Variants in DUSP8 observed in about 807,000 individuals in gnomAD.
DUSP8 encodes dual specificity protein phosphatase 8.
DUSP8 carries 15 observed loss-of-function variants against 38.7 expected under a neutral mutation model. The ratio of observed to expected loss-of-function variants is 0.39; its 90% confidence interval spans 0.26 to 0.60. The LOEUF (loss-of-function observed/expected upper bound fraction) is 0.60. DUSP8 is among the 20% of genes least tolerant of loss of function. The probability of loss-of-function intolerance (pLI) is 0.56; values close to 1 mark genes in which losing one functional copy is unlikely to be tolerated. For missense variants in DUSP8, 768 were observed against 915.0 expected (o/e 0.84, Z 2.07); for synonymous variants, 458 against 433.9 (o/e 1.06, Z -0.69).
rs753404435 is a variant in DUSP8 at position 1,557,424 on chromosome 11, G to A, written c.972C>T (p.Ala324=). 15 of 1,558,730 alleles carry A rather than the reference G, an allele frequency of 9.6e-6. No individual in the cohort carries two copies. The South Asian group carries it at 1.1e-4, about 11-fold the overall frequency. The change falls in exon 7 of 7, where the codon GCC becomes GCT. Residue 324 remains alanine (A), a synonymous_variant. Coordinates refer to ENST00000397374, the MANE Select transcript of DUSP8 (RefSeq NM_004420.3). The surrounding 1 kb of genome is among the most constrained non-coding windows in gnomAD (Gnocchi z 9.9). ...GCAGCCGTGGCAGCGGGGCCCCGGC[G>A]GCAGGACTGGGCGGAGGCTCCGGCG... is the stretch of plus-strand genomic sequence containing the variant. The part of the protein sequence containing the change: ...SGTPEPPPSP[A]AGAPLPRLPP...
At chr11:1,565,516 G>C in intron 2 of DUSP8, 80 bp downstream of exon 2, 4 of 1,146,990 alleles carry the variant, frequency 3.5e-6, no homozygotes, top group Non-Finnish European at 5.0e-6. Flanking sequence ...GGCAGAGGAG[G>C]GGGGTGCTGC....
upstream of DUSP8, among the ~76,000 whole-genome samples, chr11:1,572,429 CG>C (rs746042981): frequency 1.3e-3 from 38 of 29,442 alleles, no homozygotes; most frequent in Admixed American, 3.2e-3. This position sits in a 1 kb window ranked among gnomAD's most constrained non-coding sequence, Gnocchi z 4.7. Flanking sequence ...GCGGCTGCCG[CG>C]GGGGGGGGGC....
At chr11:1,561,741 C>A (rs1235815543) in intron 3 of DUSP8, among the ~76,000 whole-genome samples, 2 of 152,246 alleles carry the variant, frequency 1.3e-5, no homozygotes, top group Non-Finnish European at 2.9e-5. Flanking sequence ...GCAAATGGAC[C>A]AAGGAGCTGT....
rs560958615 is a variant in DUSP8, at chr11:1,566,729, C to T, written c.-108-795G>A. On this transcript the variant is annotated intron_variant, in intron 1 of 6. Transcript: ENST00000397374. ...GGGGTCTAGGAGGCTCCTTCATGGG[C>T]TGATAGGGCCCAGGATGGGAGGGGC... Among the ~76,000 whole-genome samples the T allele has an allele frequency of 1.4e-4, 22 of 152,266 alleles. No homozygotes were observed. The South Asian group carries it at 4.6e-3, about 32-fold the overall frequency.
chr11:1,569,887 TAAG>T (rs1043335901), intron 1 of DUSP8, among the ~76,000 whole-genome samples: 1 of 152,138 alleles, frequency 6.6e-6, no homozygotes, highest in Admixed American at 6.5e-5. Flanking sequence ...ATCGTCACAC[TAAG>T]GAGGCTGAGG....
intron 3 of DUSP8, among the ~76,000 whole-genome samples, chr11:1,561,724 T>C (rs954333439): frequency 6.6e-6 from 1 of 152,248 alleles, no homozygotes; most frequent in Admixed American, 6.5e-5. Flanking sequence ...CGGCCTCTAC[T>C]GTCCCTGCAA....
intron 1 of DUSP8, 88 bp from the exon 2 acceptor site, chr11:1,566,022 C>T (rs1044225630): frequency 5.3e-5 from 31 of 587,318 alleles, no homozygotes; most frequent in East Asian, 2.2e-4. Flanking sequence ...CTGGGAGCTG[C>T]GCCCACCAGG....
chr11:1,562,578 TATATACATGC>T (rs1165785495), intron 3 of DUSP8, among the ~76,000 whole-genome samples: 1 of 152,158 alleles, frequency 6.6e-6, no homozygotes, highest in Non-Finnish European at 1.5e-5. Context: ...TACCTCCATG[TATATACATGC>T]ATATACACGT....
At position 1,555,901 on chromosome 11, in the gene DUSP8, CT is replaced by C. The variant is rs1004134020; in HGVS notation, c.*616del. On this transcript the variant is annotated 3_prime_UTR_variant, in exon 7 of 7. Coordinates refer to ENST00000397374, the MANE Select transcript of DUSP8 (RefSeq NM_004420.3). ...CATGAAGCCCAATGCCTGTCCTCCC[CT>C]GCCAGAGAACAGCTCTGGGGCAACG... The C allele has an allele frequency of 6.6e-6, 1 of 152,282 alleles. No individual in the cohort carries two copies. The highest frequency in any genetic ancestry group is 2.4e-5 in the African/African-American group (1 of 41,460). The allele number at this position is 152,282 out of a possible 1,614,324, so 9.4% of individuals were successfully genotyped here.
At position 1,568,240 on chromosome 11, in the gene DUSP8, C is replaced by A. The variant is rs141068427; in HGVS notation, c.-108-2306G>T. ...TGAGGAGAGGCCCTCGCCCTCTCTG[C>A]AGCCAGGGCCTAGCCTTCATGCAGC... On this transcript the variant is annotated intron_variant, in intron 1 of 6. Coordinates refer to ENST00000397374, the MANE Select transcript of DUSP8 (RefSeq NM_004420.3). Among the ~76,000 whole-genome samples, 1,082 of 152,222 alleles carry A rather than the reference C, an allele frequency of 7.1e-3. 14 individuals carry two copies. Among genetic ancestry groups the A allele is most frequent in the African/African-American group, 0.024 (1,015 of 41,542 alleles).
chr11:1,564,098 G>A, intron 2 of DUSP8, 109 bp from the exon 3 acceptor site: 4 of 1,303,730 alleles, frequency 3.1e-6, no homozygotes, highest in South Asian at 1.9e-5. Context: ...GATGATGGGA[G>A]GCAGGCAGCT....
Position 1,565,742 on chromosome 11 carries a change from C to T in DUSP8, c.85G>A (p.Val29Ile), listed in dbSNP as rs1848792165. 6.2e-7 allele frequency: 1 copy of T among 1,611,810 alleles called. No homozygotes were observed. Among genetic ancestry groups the T allele is most frequent in the Non-Finnish European group, 8.5e-7 (1 of 1,179,646 alleles). The change falls in exon 2 of 7, where the codon GTC (valine) becomes ATC (isoleucine). Residue 29 changes from valine to isoleucine, a missense_variant. Physicochemically the swap from Val to Ile is conservative, Grantham distance 29. This residue lies in a region of DUSP8 where 252 missense variants were observed against 410.4 expected (regional missense o/e 0.61). Coordinates refer to ENST00000397374, the MANE Select transcript of DUSP8 (RefSeq NM_004420.3). The stretch of plus-strand genomic sequence containing the variant: ...TCCACGAAGGAGCGGCTGTCGATGA[C>T]CAGCGGCCCCCCAGGCCCGCCCCGC... The part of the protein sequence containing the change: ...LLRGGPGGPL[V>I]IDSRSFVEYN...
chr11:1,570,776 G>A (rs1439585354), intron 1 of DUSP8, among the ~76,000 whole-genome samples: 10 of 152,138 alleles, frequency 6.6e-5, no homozygotes, highest in Non-Finnish European at 1.3e-4. Flanking sequence ...CTGGTGGAGG[G>A]CTGGGGCCTG....
intron 3 of DUSP8, chr11:1,559,389 AG>A (rs1373101771): frequency 4.1e-5 from 15 of 367,866 alleles, no homozygotes; most frequent in South Asian, 1.1e-4. Context: ...GGGCCCAGGC[AG>A]GGGTGGGCTC....
In DUSP8 at chr11:1,565,732, C is replaced by G. The variant is rs377413411; in HGVS notation, c.95G>C (p.Ser32Thr). The G allele has an allele frequency of 3.7e-6, 6 of 1,611,872 alleles. No individual in the cohort carries two copies. The highest frequency in any genetic ancestry group is 3.5e-4 in the Middle Eastern group (2 of 5,654). Residue 32 changes from serine to threonine, a missense_variant, in exon 2 of 7, where the codon AGC (serine) becomes ACC (threonine). By Grantham distance (58) the Ser-to-Thr change is moderately conservative. This residue lies in a region of DUSP8 where 252 missense variants were observed against 410.4 expected (regional missense o/e 0.61). Transcript: ENST00000397374. Reference sequence around the variant, plus strand: ...GCTGTTGTACTCCACGAAGGAGCGGCTGTCGATGACCAGCGGCCCCCCAGG... The same window carrying G: ...GCTGTTGTACTCCACGAAGGAGCGGGTGTCGATGACCAGCGGCCCCCCAGG... ...GGPGGPLVID[S>T]RSFVEYNSWH...
In DUSP8 at chr11:1,567,330, C is replaced by A. The variant is rs896060184; in HGVS notation, c.-108-1396G>T. On this transcript the variant is annotated intron_variant, in intron 1 of 6. Transcript: ENST00000397374. ...TGGGGGGAGGCGCCCTGAGGACACC[C>A]ATGCACTGCAAACAGCAGGCTGGGG... Among the ~76,000 whole-genome samples the A allele has an allele frequency of 3.9e-5, 6 of 152,340 alleles. No homozygotes were observed. The East Asian group carries it at 1.2e-3, about 29-fold the overall frequency.
chr11:1,557,331 G>T lies in DUSP8; in HGVS notation c.1065C>A (p.Gly355=), dbSNP rs757072093. The T allele has an allele frequency of 6.6e-7, 1 of 1,515,318 alleles. No individual in the cohort carries two copies. The highest frequency in any genetic ancestry group is 2.6e-5 in the East Asian group (1 of 38,652). The allele number at this position is 1,515,318 out of a possible 1,614,324, so 93.9% of individuals were successfully genotyped here. ...GCGTGGGGGGCGCGGGGGGCTCCCC[G>T]CCCGCGCTCAGGCCGCCCTCCCTGG... ...AAAREGGLSA[G]GEPPAPPTPP... The change falls in exon 7 of 7, where the codon GGC becomes GGA. Residue 355 remains glycine, a synonymous_variant. Coordinates refer to ENST00000397374, the MANE Select transcript of DUSP8 (RefSeq NM_004420.3). The surrounding 1 kb of genome is among the most constrained non-coding windows in gnomAD (Gnocchi z 9.9).
Position 1,554,864 on chromosome 11 carries a change from C to T in DUSP8, c.*1654G>A, listed in dbSNP as rs1848598000. ...CCATAGATTGCAAATACAACGATAG[C>T]TTATTTTCTTGGGGGAACAGGAGTG... On this transcript the variant is annotated 3_prime_UTR_variant, in exon 7 of 7. Transcript: ENST00000397374. 2 of 843,568 alleles carry T rather than the reference C, an allele frequency of 2.4e-6. No homozygotes were observed. The highest frequency in any genetic ancestry group is 2.9e-6 in the Non-Finnish European group (2 of 700,234). The allele number at this position is 843,568 out of a possible 1,614,324, so 52.3% of individuals were successfully genotyped here.
Position 1,557,085 on chromosome 11 carries a change from C to T in DUSP8, c.1311G>A (p.Ser437=). 2 of 1,307,514 alleles carry T rather than the reference C, an allele frequency of 1.5e-6. No homozygotes were observed. The highest frequency in any genetic ancestry group is 3.9e-5 in the South Asian group (2 of 51,928). The allele number at this position is 1,307,514 out of a possible 1,614,324, so 81.0% of individuals were successfully genotyped here. The part of the protein sequence containing the change: ...SPSGAALGLS[S]PSPDSPDAAP... ...CGGCGTCCGGGCTGTCCGGGCTGGG[C>T]GAGGACAGGCCCAGCGCGGCCCCCG... is the stretch of plus-strand genomic sequence containing the variant. Residue 437 remains serine, a synonymous_variant, in exon 7 of 7, where the codon TCG becomes TCA. Coordinates refer to ENST00000397374, the MANE Select transcript of DUSP8 (RefSeq NM_004420.3). This position sits in a 1 kb window ranked among gnomAD's most constrained non-coding sequence, Gnocchi z 9.9.
Sources: allele counts gnomAD v4.1 joint callset (sites outside exome capture counted in the v4.1 genomes callset), GRCh38; gene constraint gnomAD v4.1.1; regional missense constraint gnomAD v4.1.1; non-coding constraint Gnocchi (gnomAD v3.1); transcripts MANE v1.5; gene names NCBI Gene and HGNC (gene_info 2026-07-23, HGNC 2026-07-21).